TJP1: variants seen among roughly 807,000 people sequenced by gnomAD.
The protein encoded by TJP1 is tight junction protein ZO-1.
A neutral mutation model predicts 194.2 loss-of-function variants in TJP1; 43 were observed. The ratio of observed to expected loss-of-function variants is 0.22; its 90% CI spans 0.17 to 0.29. The LOEUF (loss-of-function observed/expected upper bound fraction) is 0.29, where lower values mean the gene tolerates loss of function less well. Among genes scored for constraint, TJP1 ranks in the 10% least tolerant of loss-of-function variants. The pLI, the probability that TJP1 is intolerant of heterozygous loss-of-function variation, is 1.00. For missense variants in TJP1, 1,971 were observed against 2,185.7 expected (o/e 0.90, Z 1.96); for synonymous variants, 801 against 779.0 (o/e 1.03, Z -0.47).
intron 7 of TJP1, 126 bp from the exon 8 acceptor site, chr15:29,761,412 A>C: frequency 3.0e-6 from 4 of 1,319,468 alleles, no homozygotes; most frequent in Non-Finnish European, 3.1e-6. Context: ...TTTATGCATT[A>C]ATTTCACCTG....
At position 29,779,993 on chromosome 15, in the gene TJP1, GA is replaced by G. The variant is rs200746688; in HGVS notation, c.85-6637del. Among the ~76,000 whole-genome samples the G allele has an allele frequency of 6.9e-3, 866 of 124,820 alleles. 29 individuals are homozygous for G. The East Asian group carries it at 0.12, about 17-fold the overall frequency. The allele number at this position is 124,820 out of a possible 152,430, so 81.9% of individuals were successfully genotyped here. ...AAATCCTCCCCGCCACCTCCCGAAG[GA>G]AAAAAAAAAAAACCACCACAAATTA... is the stretch of plus-strand genomic sequence containing the variant. On this transcript the variant is annotated intron_variant, in intron 2 of 27. Transcript: ENST00000614355.
In TJP1 at chr15:29,761,653, A is replaced by G; in HGVS notation, c.810T>C (p.Asn270=). 1 of 1,610,468 alleles carries G rather than the reference A, an allele frequency of 6.2e-7. No individual in the cohort carries two copies. Among genetic ancestry groups the G allele is most frequent in the East Asian group, 2.2e-5 (1 of 44,732 alleles). ...GGATGCTGTCAGAAAGATCAGGGAC[A>G]TTCAATAGCGTAGCCCGTTCATCTC... ...VQRDERATLL[N]VPDLSDSIHS... The change falls in exon 7 of 28, where the codon AAT becomes AAC. Residue 270 remains asparagine (N), a synonymous_variant. Coordinates refer to ENST00000614355, the MANE Select transcript of TJP1 (RefSeq NM_001330239.4).
chr15:29,767,230 C>T lies in TJP1; in HGVS notation c.313-688G>A, dbSNP rs557477894. Among the ~76,000 whole-genome samples, 3 of 152,184 alleles carry T rather than the reference C, an allele frequency of 2.0e-5. No individual in the cohort carries two copies. In the South Asian group the frequency reaches 6.2e-4, roughly 32 times the overall value. ...ATTTCCTTCATTCTCTGCAAGCTGACGATCTACATGTATTACACCTGCTGA... is the reference window on the plus strand; with the variant it reads ...ATTTCCTTCATTCTCTGCAAGCTGATGATCTACATGTATTACACCTGCTGA... On this transcript the variant is annotated intron_variant, in intron 4 of 27. Coordinates refer to ENST00000614355, the MANE Select transcript of TJP1 (RefSeq NM_001330239.4).
chr15:29,705,876 T>A, intron 25 of TJP1, 131 bp from the exon 26 acceptor site: 1 of 740,560 alleles, frequency 1.4e-6, no homozygotes, highest in Non-Finnish European at 2.2e-6. Context: ...ACAAGATAAG[T>A]TTCTGGCAAC....
At chr15:29,729,615 C>G (rs1276314161) in intron 15 of TJP1, 1 of 151,738 alleles carries the variant, frequency 6.6e-6, no homozygotes, top group Non-Finnish European at 1.5e-5. Flanking sequence ...GTCAGGAGAT[C>G]GAGACCATCC....
chr15:29,822,584 A>G, upstream of TJP1: 7 of 684,136 alleles, frequency 1.0e-5, no homozygotes, highest in African/African-American at 1.9e-5. Context: ...AGGGGGCGGG[A>G]CGAGCGGCCG....
chr15:29,908,047 GCAAAAAA>G (rs2053877186), intron 2 of TJP1, among the ~76,000 whole-genome samples: 1 of 3,038 alleles, frequency 3.3e-4, no homozygotes, highest in Admixed American at 4.4e-3. Context: ...ACCTTATAAA[GCAAAAAA>G]AAAAAAAAAA....
At chr15:29,869,800 T>C (rs1241472865) in intron 2 of TJP1, among the ~76,000 whole-genome samples, 126 of 115,740 alleles carry the variant, frequency 1.1e-3, no homozygotes, top group African/African-American at 4.1e-3. Context: ...TCTTTCTTTT[T>C]TTTTTTTTTT....
chr15:29,712,750 A>T (rs1367808743), intron 23 of TJP1, among the ~76,000 whole-genome samples: 2 of 152,054 alleles, frequency 1.3e-5, no homozygotes, highest in African/African-American at 2.4e-5. Context: ...TATCAAATCA[A>T]AGAGTGGTGA....
chr15:29,910,037 C>T (rs2053965519), intron 2 of TJP1, among the ~76,000 whole-genome samples: 1 of 152,206 alleles, frequency 6.6e-6, no homozygotes, highest in African/African-American at 2.4e-5. Flanking sequence ...TCAGAAAACA[C>T]TCTAAAAGGC....
intron 1 of TJP1, among the ~76,000 whole-genome samples, chr15:29,818,667 G>T (rs1269538129): frequency 2.1e-5 from 2 of 97,216 alleles, no homozygotes; most frequent in Non-Finnish European, 4.0e-5. Context: ...ACCAGGCCCG[G>T]CTATTTTTTT....
intron 20 of TJP1, 72 bp from the exon 21 acceptor site, chr15:29,719,210 A>G (rs1473250055): frequency 7.0e-7 from 1 of 1,419,856 alleles, no homozygotes; most frequent in Non-Finnish European, 9.5e-7. Flanking sequence ...GACTGTGATT[A>G]AATATTAAAC....
chr15:29,920,746 G>A (rs2054331740), intron 2 of TJP1, among the ~76,000 whole-genome samples: 1 of 152,130 alleles, frequency 6.6e-6, no homozygotes. Context: ...AACTAGAGTG[G>A]CCCAGTCTCC....
At chr15:29,730,634 G>A in intron 15 of TJP1, 1 of 648,574 alleles carries the variant, frequency 1.5e-6, no homozygotes, top group Admixed American at 2.0e-5. Flanking sequence ...GAAGAGGCGA[G>A]AACGACCCCC....
At chr15:29,953,513 T>C (rs2055832103) in intron 2 of TJP1, among the ~76,000 whole-genome samples, 1 of 151,558 alleles carries the variant, frequency 6.6e-6, no homozygotes, top group Admixed American at 6.6e-5. Flanking sequence ...TATATGCCCC[T>C]ACATATTTTG....
At chr15:29,905,234 T>A (rs911177879) in intron 2 of TJP1, among the ~76,000 whole-genome samples, 5 of 152,182 alleles carry the variant, frequency 3.3e-5, no homozygotes, top group Non-Finnish European at 7.3e-5. Context: ...TTGGCAATGC[T>A]TGCCACAATT....
At chr15:29,797,820 C>T (rs565754237) in intron 2 of TJP1, among the ~76,000 whole-genome samples, 30 of 152,094 alleles carry the variant, frequency 2.0e-4, no homozygotes, top group East Asian at 9.7e-4. Flanking sequence ...TGTATTTTGC[C>T]GCAATTTTAT....
chr15:29,730,556 C>A (rs558024942), intron 15 of TJP1, among the ~76,000 whole-genome samples: 1 of 151,742 alleles, frequency 6.6e-6, no homozygotes, highest in African/African-American at 2.4e-5. Flanking sequence ...ATGATCTAAC[C>A]ACTGCACTCC....
At chr15:29,777,495 TA>T (rs1478569191) in intron 2 of TJP1, among the ~76,000 whole-genome samples, 1 of 151,814 alleles carries the variant, frequency 6.6e-6, no homozygotes, top group Non-Finnish European at 1.5e-5. Flanking sequence ...AATAAATAAA[TA>T]AATAAAACAA....
Sources: gnomAD v4.1 joint callset for allele counts (sites outside exome capture counted in the v4.1 genomes callset) on GRCh38, gnomAD v4.1.1 for gene constraint, MANE v1.5 for transcripts, NCBI Gene and HGNC (gene_info 2026-07-23, HGNC 2026-07-21) for gene names.